The following FMNL2 variants were observed in gnomAD, a reference collection of about 807,000 sequenced individuals.
The protein encoded by FMNL2 is formin like 2, also known as formin-like protein 2.
Under a neutral mutation model 130.2 loss-of-function variants are expected in FMNL2, and 51 were observed. The observed-to-expected ratio is 0.39, with a 90% confidence interval of 0.31 to 0.49. The LOEUF (loss-of-function observed/expected upper bound fraction) is 0.49, where lower values mean the gene tolerates loss of function less well. FMNL2 is among the 20% of genes least tolerant of loss of function. FMNL2 has a pLI of 0.85. For missense variants in FMNL2, 977 were observed against 1,316.2 expected (o/e 0.74, Z 3.99); for synonymous variants, 465 against 467.1 (o/e 1.00, Z 0.06).
At position 152,649,659 on chromosome 2, in the gene FMNL2, T is replaced by C. The variant is rs1480737954; in HGVS notation, c.*1754T>C. ...CTGACATATATGTATATTAAAATAATTGCCTATTTATTAATCTACAAATAG... is the reference window on the plus strand; with the variant it reads ...CTGACATATATGTATATTAAAATAACTGCCTATTTATTAATCTACAAATAG... On this transcript the variant is annotated 3_prime_UTR_variant, in exon 26 of 26. Coordinates refer to ENST00000288670, the MANE Select transcript of FMNL2 (RefSeq NM_052905.4). The C allele has an allele frequency of 2.6e-5, 4 of 152,686 alleles. No individual in the cohort carries two copies. The highest frequency in any genetic ancestry group is 1.9e-4 in the East Asian group (1 of 5,206). The allele number at this position is 152,686 out of a possible 1,614,324, so 9.5% of individuals were successfully genotyped here.
At chr2:152,389,580 A>G (rs982607882) in intron 1 of FMNL2, among the ~76,000 whole-genome samples, 1 of 152,164 alleles carries the variant, frequency 6.6e-6, no homozygotes, top group African/African-American at 2.4e-5. Context: ...ATAAGGACTG[A>G]TTTAGACTAG....
intron 9 of FMNL2, among the ~76,000 whole-genome samples, chr2:152,584,289 G>A (rs1412117392): frequency 6.6e-6 from 1 of 152,128 alleles, no homozygotes; most frequent in East Asian, 1.9e-4. Flanking sequence ...GCCACATATG[G>A]CAGAGAGAGT....
At chr2:152,531,386 C>T (rs1434562586) in intron 2 of FMNL2, among the ~76,000 whole-genome samples, 1 of 152,056 alleles carries the variant, frequency 6.6e-6, no homozygotes, top group Non-Finnish European at 1.5e-5. Flanking sequence ...TTTGCTTAAT[C>T]ATGGGATCTG....
At chr2:152,382,694 A>G (rs1684540823) in intron 1 of FMNL2, among the ~76,000 whole-genome samples, 1 of 152,208 alleles carries the variant, frequency 6.6e-6, no homozygotes, top group African/African-American at 2.4e-5. Flanking sequence ...AGATAATGCT[A>G]ATTAGCTTGA....
intron 1 of FMNL2, among the ~76,000 whole-genome samples, chr2:152,501,906 T>C (rs2105326009): frequency 6.6e-6 from 1 of 152,350 alleles, no homozygotes; most frequent in Non-Finnish European, 1.5e-5. Flanking sequence ...TTAAATTTCA[T>C]AAGTTATAGT....
At chr2:152,367,607 TAGTC>T (rs1260060359) in intron 1 of FMNL2, among the ~76,000 whole-genome samples, 9 of 152,258 alleles carry the variant, frequency 5.9e-5, no homozygotes, top group East Asian at 3.9e-4. Flanking sequence ...ATTGTGAAAA[TAGTC>T]AGTCTTAGGT....
intron 1 of FMNL2, among the ~76,000 whole-genome samples, chr2:152,344,303 G>C (rs190567048): frequency 2.6e-5 from 4 of 152,272 alleles, no homozygotes; most frequent in African/African-American, 9.6e-5. Context: ...GACAGCCACT[G>C]TGCTAGATGT....
intron 13 of FMNL2, among the ~76,000 whole-genome samples, chr2:152,617,438 T>C (rs1237783750): frequency 1.3e-5 from 2 of 152,216 alleles, no homozygotes; most frequent in Non-Finnish European, 2.9e-5. Context: ...AGCAACAGTG[T>C]TTTCCCATCT....
rs1696219743 is a variant in FMNL2 at position 152,572,351 on chromosome 2, G to A, written c.597-2785G>A. Among the ~76,000 whole-genome samples, 5 of 152,240 alleles carry A rather than the reference G, an allele frequency of 3.3e-5. 1 individual carries two copies. In the South Asian group the frequency reaches 1.0e-3, roughly 32 times the overall value. ...CTTTGGGGCTTAAAAAAGAGATTTG[G>A]TTTGATTTCCTGTGGCTGGTGAGCA... On this transcript the variant is annotated intron_variant, in intron 6 of 25. Coordinates refer to ENST00000288670, the MANE Select transcript of FMNL2 (RefSeq NM_052905.4).
At chr2:152,351,766 G>A (rs150295156) in intron 1 of FMNL2, among the ~76,000 whole-genome samples, 2,138 of 152,196 alleles carry the variant, frequency 0.014, 36 homozygotes, top group Middle Eastern at 0.099. Flanking sequence ...GATCCTGGAG[G>A]AATCACCACA....
chr2:152,544,199 CT>C (rs1449327266), intron 3 of FMNL2, among the ~76,000 whole-genome samples: 2 of 152,200 alleles, frequency 1.3e-5, no homozygotes, highest in African/African-American at 4.8e-5. Flanking sequence ...GGTGGATCAC[CT>C]GAGGTCAGGA....
At chr2:152,464,514 G>A (rs982522883) in intron 1 of FMNL2, among the ~76,000 whole-genome samples, 2 of 152,164 alleles carry the variant, frequency 1.3e-5, no homozygotes, top group African/African-American at 2.4e-5. Flanking sequence ...GAAATTGTTT[G>A]GGGGAGAAGG....
intron 23 of FMNL2, among the ~76,000 whole-genome samples, chr2:152,638,739 G>A (rs564578570): frequency 8.5e-5 from 13 of 152,198 alleles, no homozygotes; most frequent in Non-Finnish European, 1.5e-4. Context: ...AACTGCTGCC[G>A]TCTGCAGTGC....
chr2:152,586,735 C>G (rs747023888), intron 9 of FMNL2, among the ~76,000 whole-genome samples: 1 of 151,856 alleles, frequency 6.6e-6, no homozygotes, highest in Non-Finnish European at 1.5e-5. Flanking sequence ...TTGACTGGTC[C>G]TCCTCCTTAG....
chr2:152,645,587 A>G (rs551824345), intron 25 of FMNL2: 10 of 1,090,392 alleles, frequency 9.2e-6, no homozygotes, highest in African/African-American at 3.3e-5. Context: ...ATGGTTTTCA[A>G]TCTATGGCTG....
chr2:152,405,535 AT>A (rs1277458985), intron 1 of FMNL2, among the ~76,000 whole-genome samples: 1 of 151,870 alleles, frequency 6.6e-6, no homozygotes. Flanking sequence ...ATGTCTTGTG[AT>A]TTTTTTTCCT....
intron 1 of FMNL2, among the ~76,000 whole-genome samples, chr2:152,495,343 A>C (rs1261578401): frequency 6.6e-6 from 1 of 152,050 alleles, no homozygotes; most frequent in Non-Finnish European, 1.5e-5. Context: ...ATAGAATGTA[A>C]AGATAGATTA....
chr2:152,369,340 T>C (rs1355177795), intron 1 of FMNL2, among the ~76,000 whole-genome samples: 2 of 152,180 alleles, frequency 1.3e-5, no homozygotes, highest in Non-Finnish European at 2.9e-5. Flanking sequence ...GCCCAAAAGG[T>C]TTCTTTATCT....
At chr2:152,378,597 A>T (rs1417274145) in intron 1 of FMNL2, among the ~76,000 whole-genome samples, 1 of 152,164 alleles carries the variant, frequency 6.6e-6, no homozygotes, top group Admixed American at 6.5e-5. Context: ...TTCTCTTCCA[A>T]ATCCCCTTCT....
Sources: allele counts gnomAD v4.1 joint callset (sites outside exome capture counted in the v4.1 genomes callset), GRCh38; gene constraint gnomAD v4.1.1; transcripts MANE v1.5; gene names NCBI Gene and HGNC (gene_info 2026-07-23, HGNC 2026-07-21).